LHCGR: variants seen among roughly 807,000 people sequenced by gnomAD.
LHCGR encodes lutropin-choriogonadotropic hormone receptor.
In LHCGR, 55 loss-of-function variants were observed where a neutral mutation model predicts 60.7. That is an observed-to-expected ratio of 0.91 (90% confidence interval 0.73 to 1.13). The LOEUF is 1.13. Among genes scored for constraint, LHCGR ranks in the 50% most tolerant of loss-of-function variants. The pLI is 0.00. For synonymous variants in LHCGR, 337 were observed against 316.5 expected (o/e 1.06, Z -0.69); for missense variants, 862 against 836.0 (o/e 1.03, Z -0.38).
chr2:48,713,861 C>T, intron 7 of LHCGR, 125 bp downstream of exon 7: 1 of 795,118 alleles, frequency 1.3e-6, no homozygotes, highest in Non-Finnish European at 2.2e-6. Flanking sequence ...GCATGAAACA[C>T]TGAGGGCTAG....
At chr2:48,721,917 C>G (rs1299154905) in intron 6 of LHCGR, 1 of 390,810 alleles carries the variant, frequency 2.6e-6, no homozygotes, top group East Asian at 7.2e-5. Context: ...TTTGGGAGGC[C>G]GAGGAGGGCA....
chr2:48,688,044 T>A lies in LHCGR; in HGVS notation c.1753A>T (p.Ile585Phe), dbSNP rs771318587. Residue 585 changes from isoleucine (I) to phenylalanine (F), a missense_variant, in exon 11 of 11, where the codon ATC (isoleucine) becomes TTC (phenylalanine). Ile to Phe is a conservative substitution (Grantham distance 21). Transcript: ENST00000294954. This position sits in a 1 kb window ranked among gnomAD's most constrained non-coding sequence, Gnocchi z 5.2. ...IFTDFTCMAP[I>F]SFFAISAAFK... ...GCAGCTGAGATGGCAAAAAAAGAGA[T>A]AGGTGCCATGCAGGTGAAATCGGTG... The A allele has an allele frequency of 4.3e-6, 7 of 1,614,096 alleles. No individual in the cohort carries two copies. The highest frequency in any genetic ancestry group is 5.9e-6 in the Non-Finnish European group (7 of 1,179,970).
intron 6 of LHCGR, chr2:48,720,065 G>T (rs1668433171): frequency 6.6e-6 from 1 of 152,174 alleles, no homozygotes; most frequent in Non-Finnish European, 1.5e-5. Context: ...GGGAGAGACG[G>T]AGCCTCAATC....
rs1679915212 is a variant in LHCGR, at chr2:48,686,800, T to C, written c.*897A>G. Reference sequence around the variant, plus strand: ...TATTTTTAAATATTTAAACATTTTATTTCATTCAAATAAAAATATAAGCTC... The same window carrying C: ...TATTTTTAAATATTTAAACATTTTACTTCATTCAAATAAAAATATAAGCTC... On this transcript the variant is annotated 3_prime_UTR_variant, in exon 11 of 11. Transcript: ENST00000294954. The C allele has an allele frequency of 6.6e-6, 1 of 152,182 alleles. No individual in the cohort carries two copies. The highest frequency in any genetic ancestry group is 1.5e-5 in the Non-Finnish European group (1 of 68,022). The allele number at this position is 152,182 out of a possible 1,614,324, so 9.4% of individuals were successfully genotyped here.
intron 1 of LHCGR, 30 bp downstream of exon 1, chr2:48,755,481 G>A (rs1178180520): frequency 2.1e-6 from 3 of 1,422,268 alleles, no homozygotes; most frequent in Non-Finnish European, 1.9e-6. Context: ...CTGCATCAAG[G>A]GCGCCGCGAC....
At chr2:48,736,934 A>T (rs1669227170) in intron 1 of LHCGR, among the ~76,000 whole-genome samples, 1 of 152,160 alleles carries the variant, frequency 6.6e-6, no homozygotes, top group Non-Finnish European at 1.5e-5. Flanking sequence ...GCATAAAGCA[A>T]ATTATAACTG....
chr2:48,729,443 C>T (rs1668890052), intron 2 of LHCGR, among the ~76,000 whole-genome samples: 1 of 152,142 alleles, frequency 6.6e-6, no homozygotes. Context: ...AGTTGAAATG[C>T]AAGTTTTAGT....
intron 9 of LHCGR, among the ~76,000 whole-genome samples, chr2:48,695,800 T>G (rs1202593021): frequency 1.3e-5 from 2 of 152,158 alleles, no homozygotes; most frequent in African/African-American, 4.8e-5. Flanking sequence ...AACCAAATAC[T>G]GCATCTTCTC....
intron 10 of LHCGR, among the ~76,000 whole-genome samples, chr2:48,690,202 C>A (rs182402824): frequency 2.0e-5 from 3 of 152,330 alleles, no homozygotes; most frequent in Admixed American, 2.0e-4. Context: ...AAAATCCAAA[C>A]TCATTGTGAT....
In LHCGR at chr2:48,708,969, C is replaced by T; in HGVS notation, c.659G>A (p.Gly220Glu). Residue 220 changes from glycine to glutamate, a missense_variant, in exon 8 of 11, where the codon GGG (glycine) becomes GAG (glutamate). Physicochemically the swap from Gly to Glu is moderately conservative, Grantham distance 98 (BLOSUM62 -2). Transcript: ENST00000294954. ...TCACAAGGTTTTCGGCCCTGTGGCCCCACGGAAGGCTCCATTGTGCATCTT... is the reference window on the plus strand; with the variant it reads ...TCACAAGGTTTTCGGCCCTGTGGCCTCACGGAAGGCTCCATTGTGCATCTT... ...LEKMHNGAFR[G>E]ATGPKTLDIS... 6.2e-7 allele frequency: 1 copy of T among 1,614,140 alleles called. No individual in the cohort carries two copies.
intron 8 of LHCGR, among the ~76,000 whole-genome samples, chr2:48,703,999 A>G (rs1203378147): frequency 6.6e-6 from 1 of 152,174 alleles, no homozygotes; most frequent in African/African-American, 2.4e-5. Context: ...GTTTTTGCCC[A>G]TTTGGTATGA....
At chr2:48,689,100 T>C (rs1458047325) in intron 10 of LHCGR, among the ~76,000 whole-genome samples, 1 of 151,036 alleles carries the variant, frequency 6.6e-6, no homozygotes, top group Non-Finnish European at 1.5e-5. Context: ...TATATATACA[T>C]ATATACACAT....
In LHCGR at chr2:48,752,989, G is replaced by C. The variant is rs1350957597; in HGVS notation, c.161+2522C>G. ...GTTATGCCGGATTTTGGCGGGGGGG[G>C]GGGGGGGTGGGGAAGGGAAGTGTAT... On this transcript the variant is annotated intron_variant, in intron 1 of 10. Coordinates refer to ENST00000294954, the MANE Select transcript of LHCGR (RefSeq NM_000233.4). 5.9e-5 allele frequency among the ~76,000 whole-genome samples: 6 copies of C among 101,620 alleles called. No homozygotes were observed. In the East Asian group the frequency reaches 9.0e-4, roughly 15 times the overall value. The allele number at this position is 101,620 out of a possible 152,430, so 66.7% of individuals were successfully genotyped here. A position where few individuals can be genotyped will look rare whatever the true frequency, so the allele number is the denominator to read the frequency against.
chr2:48,712,535 C>T (rs1668043528), intron 7 of LHCGR, among the ~76,000 whole-genome samples: 1 of 152,052 alleles, frequency 6.6e-6, no homozygotes, highest in Admixed American at 6.5e-5. Flanking sequence ...TTCATTAAGT[C>T]ATCAAGTCAA....
intron 10 of LHCGR, among the ~76,000 whole-genome samples, chr2:48,693,082 T>C (rs893308221): frequency 6.6e-6 from 1 of 152,170 alleles, no homozygotes; most frequent in Non-Finnish European, 1.5e-5. Context: ...AAATGTTTTC[T>C]TGATGATAAG....
intron 3 of LHCGR, among the ~76,000 whole-genome samples, chr2:48,728,249 C>T (rs753019287): frequency 1.3e-5 from 2 of 152,102 alleles, no homozygotes; most frequent in African/African-American, 2.4e-5. Flanking sequence ...TTCCAAGCCT[C>T]CATTCCTTCC....
At chr2:48,699,922 G>A (rs1205284067) in intron 8 of LHCGR, among the ~76,000 whole-genome samples, 1 of 152,220 alleles carries the variant, frequency 6.6e-6, no homozygotes, top group Non-Finnish European at 1.5e-5. Context: ...TGCTGCTGGT[G>A]CCTCACAAAA....
chr2:48,735,596 T>C (rs1669176469), intron 1 of LHCGR, among the ~76,000 whole-genome samples: 1 of 152,198 alleles, frequency 6.6e-6, no homozygotes, highest in African/African-American at 2.4e-5. Flanking sequence ...TAGTATCTCT[T>C]ACTGCTTAGT....
At chr2:48,733,272 G>A (rs890567817) in intron 1 of LHCGR, 6 of 187,240 alleles carry the variant, frequency 3.2e-5, no homozygotes, top group African/African-American at 1.4e-4. Flanking sequence ...GAGCCCAGAA[G>A]CTGAAGTCTC....
Sources: allele counts gnomAD v4.1 joint callset (sites outside exome capture counted in the v4.1 genomes callset), GRCh38; gene constraint gnomAD v4.1.1; non-coding constraint Gnocchi (gnomAD v3.1); transcripts MANE v1.5; gene names NCBI Gene and HGNC (gene_info 2026-07-23, HGNC 2026-07-21).